The following HIBADH variants were observed in gnomAD, a reference collection of about 807,000 sequenced individuals.
HIBADH encodes 3-hydroxyisobutyrate dehydrogenase.
Under a neutral mutation model 36.1 loss-of-function variants are expected in HIBADH, and 25 were observed. The ratio of observed to expected loss-of-function variants is 0.69; its 90% CI spans 0.50 to 0.97. HIBADH has a LOEUF of 0.97. HIBADH is among the 50% of genes least tolerant of loss of function. The pLI is 0.00. For missense variants in HIBADH, 421 were observed against 418.0 expected, an observed-to-expected ratio of 1.01 and a Z score of -0.06; for synonymous variants, 160 against 149.5, an observed-to-expected ratio of 1.07 and a Z score of -0.51.
rs762685685 is a variant in HIBADH, at chr7:27,645,368, A to ATT, written c.252+4103_252+4104dup. On this transcript the variant is annotated intron_variant, in intron 2 of 7. Transcript: ENST00000265395. ...CTAGTGGGTGTGTCTCATGGTTTTG[A>ATT]TTTTTTTTTTTTTTTTTTTTTTTTT... Among the ~76,000 whole-genome samples the ATT allele has an allele frequency of 2.5e-3, 148 of 59,646 alleles. 21 individuals carry two copies. Among genetic ancestry groups the ATT allele is most frequent in the African/African-American group, 7.2e-3 (114 of 15,872 alleles). 39.1% of individuals were successfully genotyped at this position (59,646 alleles called of 152,430 possible). A position where few individuals can be genotyped will look rare whatever the true frequency, so the allele number is the denominator to read the frequency against.
intron 4 of HIBADH, 26 bp from the exon 5 acceptor site, chr7:27,543,126 A>T (rs1220685631): frequency 6.2e-7 from 1 of 1,609,618 alleles, no homozygotes; most frequent in African/African-American, 1.3e-5. Flanking sequence ...GTAAAGGGAT[A>T]GAAGCAAAAG....
chr7:27,652,507 T>C (rs922364915), intron 1 of HIBADH, among the ~76,000 whole-genome samples: 1 of 152,130 alleles, frequency 6.6e-6, no homozygotes, highest in African/African-American at 2.4e-5. Flanking sequence ...AAGACCAATA[T>C]AAAAGTGACA....
intron 4 of HIBADH, among the ~76,000 whole-genome samples, chr7:27,587,925 A>C (rs994594938): frequency 6.6e-6 from 1 of 152,238 alleles, no homozygotes; most frequent in Non-Finnish European, 1.5e-5. Flanking sequence ...AGCAGTTTCC[A>C]CAACATGAGT....
Position 27,633,389 on chromosome 7 carries a change from G to A in HIBADH, c.253-944C>T, listed in dbSNP as rs570732550. ...ATAGAAAGAATCAGCTGGGCACAAT[G>A]ACTCACGCCTGTAATCCCAGCACTT... is the stretch of plus-strand genomic sequence containing the variant. On this transcript the variant is annotated intron_variant, in intron 2 of 7. Transcript: ENST00000265395. Among the ~76,000 whole-genome samples, 6 of 152,292 alleles carry A rather than the reference G, an allele frequency of 3.9e-5. 1 individual carries two copies. Among genetic ancestry groups the A allele is most frequent in the African/African-American group, 1.4e-4 (6 of 41,552 alleles).
chr7:27,653,073 G>A (rs1052313098), intron 1 of HIBADH, among the ~76,000 whole-genome samples: 15 of 152,028 alleles, frequency 9.9e-5, no homozygotes, highest in African/African-American at 2.7e-4. Flanking sequence ...AGGATGCAGC[G>A]AGCCAAGATC....
intron 1 of HIBADH, among the ~76,000 whole-genome samples, chr7:27,658,704 CT>C (rs1425166749): frequency 1.3e-5 from 2 of 152,108 alleles, no homozygotes; most frequent in Non-Finnish European, 2.9e-5. Context: ...TTTGCATGGA[CT>C]TTCAGTCTTT....
At chr7:27,574,056 G>A (rs1441743337) in intron 4 of HIBADH, among the ~76,000 whole-genome samples, 3 of 152,136 alleles carry the variant, frequency 2.0e-5, no homozygotes, top group Non-Finnish European at 4.4e-5. Flanking sequence ...ATATACTATA[G>A]AGGACCAAGA....
chr7:27,579,587 T>TA (rs1241142466), intron 4 of HIBADH, among the ~76,000 whole-genome samples: 16 of 152,238 alleles, frequency 1.1e-4, no homozygotes, highest in Admixed American at 8.5e-4. Flanking sequence ...ACTGAATACT[T>TA]AACCATTACT....
intron 2 of HIBADH, among the ~76,000 whole-genome samples, chr7:27,636,791 T>G (rs530767766): frequency 6.6e-6 from 1 of 152,264 alleles, no homozygotes; most frequent in Admixed American, 6.5e-5. Context: ...AAGGATTAAG[T>G]TAAAAAGAAA....
chr7:27,547,178 C>T (rs1251368830), intron 4 of HIBADH, among the ~76,000 whole-genome samples: 2 of 152,156 alleles, frequency 1.3e-5, no homozygotes, highest in African/African-American at 2.4e-5. Flanking sequence ...CCTTGCTGTT[C>T]TTGAAACAGG....
intron 2 of HIBADH, among the ~76,000 whole-genome samples, chr7:27,647,482 G>A (rs1772649424): frequency 6.6e-6 from 1 of 152,152 alleles, no homozygotes; most frequent in Non-Finnish European, 1.5e-5. Context: ...CCAAGCATTG[G>A]CTTCTTGATA....
At chr7:27,589,094 G>A (rs1784905466) in intron 4 of HIBADH, among the ~76,000 whole-genome samples, 1 of 152,082 alleles carries the variant, frequency 6.6e-6, no homozygotes, top group Admixed American at 6.5e-5. Flanking sequence ...TTTAAAATGT[G>A]GGAATGGCAT....
chr7:27,557,066 G>A lies in HIBADH; in HGVS notation c.485-13966C>T, dbSNP rs371735813. ...GAGGCAGGAGGATCACTTGAGCCTA[G>A]GAGGTTGAGGCTATAGCGAGGCATG... On this transcript the variant is annotated intron_variant, in intron 4 of 7. Coordinates refer to ENST00000265395, the MANE Select transcript of HIBADH (RefSeq NM_152740.4). 1.2e-4 allele frequency among the ~76,000 whole-genome samples: 19 copies of A among 152,018 alleles called. No homozygotes were observed. In the East Asian group the frequency reaches 3.5e-3, roughly 28 times the overall value.
intron 4 of HIBADH, among the ~76,000 whole-genome samples, chr7:27,598,568 C>G (rs1272793744): frequency 1.3e-5 from 2 of 152,102 alleles, no homozygotes; most frequent in African/African-American, 2.4e-5. Flanking sequence ...CTTCAGGAAA[C>G]TGAAACGAAC....
chr7:27,597,794 T>G (rs1785056026), intron 4 of HIBADH, among the ~76,000 whole-genome samples: 1 of 152,176 alleles, frequency 6.6e-6, no homozygotes, highest in Non-Finnish European at 1.5e-5. Flanking sequence ...TAAAGGAATT[T>G]GAAGAGGGCG....
Position 27,538,324 on chromosome 7 carries a change from C to G in HIBADH, c.695+17G>C. 1 of 1,584,902 alleles carries G rather than the reference C, an allele frequency of 6.3e-7. No homozygotes were observed. On this transcript the variant is annotated intron_variant, in intron 6 of 7. Transcript: ENST00000265395. ...GCCTATAAAAATGTTAGTATAAAAA[C>G]GTACTATTCAACAAACCTGATTCCA...
chr7:27,628,559 G>A (rs1785688568), intron 4 of HIBADH, among the ~76,000 whole-genome samples: 1 of 152,006 alleles, frequency 6.6e-6, no homozygotes, highest in South Asian at 2.1e-4. Flanking sequence ...TGCTATTAAT[G>A]TATGAGTTAA....
chr7:27,559,240 C>A (rs1393270263), intron 4 of HIBADH, among the ~76,000 whole-genome samples: 2 of 152,250 alleles, frequency 1.3e-5, no homozygotes, highest in Middle Eastern at 3.4e-3. Flanking sequence ...ACCGTATCTC[C>A]AAGATGGTCA....
At chr7:27,533,921 A>C (rs2128183260) in intron 6 of HIBADH, among the ~76,000 whole-genome samples, 1 of 152,330 alleles carries the variant, frequency 6.6e-6, no homozygotes, top group South Asian at 2.1e-4. Flanking sequence ...TCAAGCCATC[A>C]AAAGAATGAC....
Sources: allele counts gnomAD v4.1 joint callset (sites outside exome capture counted in the v4.1 genomes callset), GRCh38; gene constraint gnomAD v4.1.1; transcripts MANE v1.5; gene names NCBI Gene and HGNC (gene_info 2026-07-23, HGNC 2026-07-21).